The following EIF2D variants were observed in gnomAD, a reference collection of about 807,000 sequenced individuals.
The protein encoded by EIF2D is eukaryotic translation initiation factor 2D.
A neutral mutation model predicts 77.4 loss-of-function variants in EIF2D; 56 were observed. The observed-to-expected ratio is 0.72, with a 90% CI of 0.58 to 0.90. EIF2D has a LOEUF of 0.90. Among genes scored for constraint, EIF2D ranks in the 40% least tolerant of loss-of-function variants. The probability of loss-of-function intolerance (pLI) is 0.00; values close to 1 mark genes in which losing one functional copy is unlikely to be tolerated. For missense variants in EIF2D, 574 were observed against 706.5 expected (o/e 0.81, Z 2.13); for synonymous variants, 230 against 271.0 (o/e 0.85, Z 1.49).
At chr1:206,587,670 T>G (rs1669173402), downstream of EIF2D, 1 of 153,438 alleles carries the variant, frequency 6.5e-6, no homozygotes, top group African/African-American at 2.4e-5. Context: ...CAAAGGCATA[T>G]ATCTGCGTAT....
rs782149038 is a variant in EIF2D at position 206,609,397 on chromosome 1, C to T, written c.310G>A (p.Glu104Lys). 2.0e-5 allele frequency: 33 copies of T among 1,614,068 alleles called. No individual in the cohort carries two copies. The highest frequency in any genetic ancestry group is 5.0e-5 in the Admixed American group (3 of 60,014). Residue 104 changes from glutamate (E) to lysine (K), a missense_variant, in exon 3 of 15, where the codon GAG (glutamate) becomes AAG (lysine). Coordinates refer to ENST00000271764, the MANE Select transcript of EIF2D (RefSeq NM_006893.3). The stretch of plus-strand genomic sequence containing the variant: ...TTACCTGCTCCCCCTACCAGTTTCT[C>T]GAGCACCAGAGGCCATGTTGTAAAG... The part of the protein sequence containing the change: ...PTFTTWPLVL[E>K]KLVGGADLML...
At position 206,583,287 on chromosome 1, in the gene EIF2D, G is replaced by C. The variant is rs545147786; in HGVS notation, c.139-2125C>G. 1.4e-4 allele frequency: 226 copies of C among 1,613,220 alleles called. 3 individuals are homozygous for C. The South Asian group carries it at 2.3e-3, about 16-fold the overall frequency. ...CTTCCAGAATGTCTGTAAACCTGTG[G>C]AGGAGACACAGCGCCCGCCCACACT... On this transcript the variant is annotated intron_variant and NMD_transcript_variant, in intron 2 of 5. Coordinates refer to the EIF2D transcript ENST00000472709.
intron 6 of EIF2D, 91 bp downstream of exon 6, chr1:206,602,860 A>C (rs1669993649): frequency 3.3e-6 from 5 of 1,520,356 alleles, no homozygotes; most frequent in Non-Finnish European, 4.4e-6. Context: ...CCGGAAGCTT[A>C]AGGGCCATTC....
At chr1:206,586,953 G>A, downstream of EIF2D, 3 of 1,614,218 alleles carry the variant, frequency 1.9e-6, no homozygotes, top group Non-Finnish European at 2.5e-6. Flanking sequence ...GAGGCCTTAA[G>A]AGAATCCCAG....
chr1:206,570,078 CTTTTTTTTTTTTTTTT>C (rs375900760), downstream of EIF2D, among the ~76,000 whole-genome samples: 9 of 119,378 alleles, frequency 7.5e-5, no homozygotes, highest in Admixed American at 7.3e-4. Context: ...TAAAATTTAC[CTTTTTTTTTTTTTTTT>C]TTTTTTTTTT....
Position 206,612,426 on chromosome 1 carries a change from G to A in EIF2D, c.-84C>T. 1.9e-6 allele frequency: 3 copies of A among 1,562,100 alleles called. No homozygotes were observed. The highest frequency in any genetic ancestry group is 1.3e-5 in the African/African-American group (1 of 74,122). Reference sequence around the variant, plus strand: ...GGGCGCAGCAGCTGCCAGGCCCTCAGCCGTGGGGGCAGCCATGCTGGGGCC... The same window carrying A: ...GGGCGCAGCAGCTGCCAGGCCCTCAACCGTGGGGGCAGCCATGCTGGGGCC... On this transcript the variant is annotated 5_prime_UTR_variant, in exon 1 of 15. Coordinates refer to ENST00000271764, the MANE Select transcript of EIF2D (RefSeq NM_006893.3).
intron 4 of EIF2D, among the ~76,000 whole-genome samples, chr1:206,605,812 G>A (rs1670178789): frequency 6.6e-6 from 1 of 152,098 alleles, no homozygotes; most frequent in African/African-American, 2.4e-5. Flanking sequence ...GGTCTTGGAA[G>A]GATATTTAAT....
intron 4 of EIF2D, among the ~76,000 whole-genome samples, chr1:206,572,956 A>C (rs1347154937): frequency 6.6e-6 from 1 of 152,192 alleles, no homozygotes; most frequent in East Asian, 1.9e-4. Flanking sequence ...GCTTTGGTCA[A>C]ATGACTACTG....
chr1:206,575,931 C>T (rs1187662491), intron 4 of EIF2D, among the ~76,000 whole-genome samples: 1 of 152,188 alleles, frequency 6.6e-6, no homozygotes, highest in Non-Finnish European at 1.5e-5. Flanking sequence ...GTGAGGTGCT[C>T]CTGGACCTAG....
chr1:206,593,486 A>AGAGCGC (rs59286399), intron 14 of EIF2D, 133 bp downstream of exon 14: 24 of 479,326 alleles, frequency 5.0e-5, no homozygotes, highest in African/African-American at 2.7e-4. Flanking sequence ...AGAGAGAGAG[A>AGAGCGC]GCGAGAGAGA....
Position 206,592,142 on chromosome 1 carries a change from G to T in EIF2D, c.1685-297C>A, listed in dbSNP as rs1273839709. 6.6e-6 allele frequency among the ~76,000 whole-genome samples: 1 copy of T among 152,214 alleles called. No homozygotes were observed. The highest frequency in any genetic ancestry group is 2.4e-5 in the African/African-American group (1 of 41,444). ...ATTTCTTCTCAGTACCTTGTATGGG[G>T]TTCTTCACATAAAGAGGCTCAACTC... On this transcript the variant is annotated intron_variant, in intron 14 of 14. Coordinates refer to ENST00000271764, the MANE Select transcript of EIF2D (RefSeq NM_006893.3). This position sits in a 1 kb window ranked among gnomAD's most constrained non-coding sequence, Gnocchi z 4.7.
intron 5 of EIF2D, chr1:206,603,605 T>C (rs567136939): frequency 5.7e-6 from 1 of 174,190 alleles, no homozygotes; most frequent in South Asian, 1.4e-4. Flanking sequence ...ATCTGTAATA[T>C]CTGTTTGGTG....
At chr1:206,582,774 C>T (rs147959269) in intron 2 of EIF2D, among the ~76,000 whole-genome samples, 2 of 152,298 alleles carry the variant, frequency 1.3e-5, no homozygotes, top group African/African-American at 2.4e-5. Flanking sequence ...CTTGTCTTCC[C>T]GATCAGTAGT....
At chr1:206,612,111 T>A (rs1572420415) in intron 1 of EIF2D, among the ~76,000 whole-genome samples, 176 bp downstream of exon 1, 1 of 152,214 alleles carries the variant, frequency 6.6e-6, no homozygotes, top group Admixed American at 6.5e-5. Context: ...CAGGTCCCCC[T>A]CCATCCTCAC....
intron 7 of EIF2D, chr1:206,601,231 A>G (rs1297566278): frequency 2.6e-5 from 4 of 152,276 alleles, no homozygotes; most frequent in Non-Finnish European, 4.4e-5. Context: ...AAGACATTAC[A>G]TTAAGAATCA....
In EIF2D at chr1:206,573,290, T is replaced by A. The variant is rs143676989; in HGVS notation, c.*255-591A>T. 2.0e-5 allele frequency among the ~76,000 whole-genome samples: 3 copies of A among 152,302 alleles called. No individual in the cohort carries two copies. The East Asian group carries it at 5.8e-4, about 29-fold the overall frequency. On this transcript the variant is annotated intron_variant and NMD_transcript_variant, in intron 4 of 5. Transcript: ENST00000472709. ...ATCCCGTGAGGCAATAAAGGATTTTTATCCCAAATTTATAGATGAAGAAAC... is the reference window on the plus strand; with the variant it reads ...ATCCCGTGAGGCAATAAAGGATTTTAATCCCAAATTTATAGATGAAGAAAC...
chr1:206,597,317 C>T (rs1032876263), intron 11 of EIF2D, 122 bp from the exon 12 acceptor site: 3 of 679,016 alleles, frequency 4.4e-6, no homozygotes, highest in Non-Finnish European at 7.6e-6. Flanking sequence ...CAATTATGGG[C>T]CCACAGTCCA....
chr1:206,573,220 G>A (rs1204227808), intron 4 of EIF2D, among the ~76,000 whole-genome samples: 2 of 152,164 alleles, frequency 1.3e-5, no homozygotes, highest in Non-Finnish European at 2.9e-5. Flanking sequence ...CAGCACTTTT[G>A]GAGGCCGAGG....
chr1:206,600,492 C>T (rs1335476243), intron 7 of EIF2D, 184 bp from the exon 8 acceptor site: 6 of 562,454 alleles, frequency 1.1e-5, no homozygotes, highest in Non-Finnish European at 6.3e-6. Context: ...CATTCTAAAT[C>T]AGTGCTGTTC....
Sources: allele counts gnomAD v4.1 joint callset (sites outside exome capture counted in the v4.1 genomes callset), GRCh38; gene constraint gnomAD v4.1.1; non-coding constraint Gnocchi (gnomAD v3.1); transcripts MANE v1.5; gene names NCBI Gene and HGNC (gene_info 2026-07-23, HGNC 2026-07-21).